AFF2: variants seen among roughly 807,000 people sequenced by gnomAD.
AFF2 encodes ALF transcription elongation factor 2, also known as AF4/FMR2 family member 2.
A neutral mutation model predicts 76.9 loss-of-function variants in AFF2; 14 were observed. The ratio of observed to expected loss-of-function variants is 0.18; its 90% CI spans 0.12 to 0.28. The LOEUF (loss-of-function observed/expected upper bound fraction) is 0.28. Among genes scored for constraint, AFF2 ranks in the 10% least tolerant of loss-of-function variants. The pLI, the probability that AFF2 is intolerant of heterozygous loss-of-function variation, is 1.00. For synonymous variants in AFF2, 398 were observed against 366.7 expected (o/e 1.09, Z -0.98); for missense variants, 868 against 1,001.1 (o/e 0.87, Z 1.79).
intron 7 of AFF2, among the ~76,000 whole-genome samples, chrX:148,871,192 G>A (rs1324973148): frequency 1.8e-5 from 2 of 111,228 alleles, no homozygotes; most frequent in Non-Finnish European, 3.8e-5. Context: ...AGAATTAAAG[G>A]GAAATTATCT....
chrX:148,656,265 G>C (rs782239848), intron 2 of AFF2, among the ~76,000 whole-genome samples: 5 of 111,488 alleles, frequency 4.5e-5, no homozygotes, highest in Non-Finnish European at 7.5e-5. Flanking sequence ...TTTTGAGAAG[G>C]ATGTCTTCAA....
At chrX:148,683,185 C>G (rs782525625) in intron 3 of AFF2, among the ~76,000 whole-genome samples, 8 of 111,678 alleles carry the variant, frequency 7.2e-5, no homozygotes, top group African/African-American at 3.3e-5. Context: ...GAGAAGTAAT[C>G]TTTGCTTTTT....
intron 3 of AFF2, among the ~76,000 whole-genome samples, chrX:148,717,755 C>T (rs1490967283): frequency 3.6e-5 from 4 of 110,942 alleles, no homozygotes; most frequent in South Asian, 3.8e-4. Flanking sequence ...AGGAAGGAGG[C>T]AATGTGCCTG....
intron 4 of AFF2, among the ~76,000 whole-genome samples, chrX:148,810,571 C>T (rs145464627): frequency 0.012 from 1,304 of 112,177 alleles, 29 homozygotes; most frequent in Admixed American, 0.079. Context: ...TATGGAATCT[C>T]AAGAATAGGA....
intron 5 of AFF2, among the ~76,000 whole-genome samples, chrX:148,838,051 T>A (rs1313283972): frequency 8.9e-6 from 1 of 111,747 alleles, no homozygotes; most frequent in African/African-American, 3.3e-5. Context: ...AACAGCAACG[T>A]TCAAGATTTT....
intron 1 of AFF2, chrX:148,547,427 TTGTC>T (rs1310664991): frequency 8.9e-6 from 1 of 111,864 alleles, no homozygotes; most frequent in Non-Finnish European, 1.9e-5. Context: ...GCAGATCCCT[TTGTC>T]TGGTTGCATG....
intron 3 of AFF2, among the ~76,000 whole-genome samples, chrX:148,743,624 C>T (rs1033730397): frequency 2.7e-5 from 3 of 110,905 alleles, no homozygotes; most frequent in Admixed American, 9.6e-5. Context: ...TGTTTCTGCT[C>T]CTTGCATTTT....
intron 9 of AFF2, among the ~76,000 whole-genome samples, chrX:148,937,586 A>G (rs1162288795): frequency 2.7e-5 from 3 of 112,094 alleles, no homozygotes; most frequent in African/African-American, 9.7e-5. Flanking sequence ...GGTGTCTTCA[A>G]AGTCCCAAAT....
intron 1 of AFF2, among the ~76,000 whole-genome samples, chrX:148,561,564 G>A (rs1557240684): frequency 1.8e-5 from 2 of 111,375 alleles, no homozygotes; most frequent in East Asian, 5.7e-4. Flanking sequence ...GTCCTTATCC[G>A]GGTCCCTGCC....
At chrX:148,872,120 C>T (rs146402362) in intron 7 of AFF2, among the ~76,000 whole-genome samples, 1,360 of 110,307 alleles carry the variant, frequency 0.012, 25 homozygotes, top group African/African-American at 0.042. Context: ...TTAAAAAAGA[C>T]GGCTCTATTT....
chrX:148,748,630 G>A (rs2055455577), intron 3 of AFF2, among the ~76,000 whole-genome samples: 2 of 111,858 alleles, frequency 1.8e-5, no homozygotes, highest in South Asian at 7.5e-4. Flanking sequence ...TCCATCCTTT[G>A]CAGAGGATGG....
chrX:148,672,301 T>A (rs1373814323), intron 3 of AFF2, among the ~76,000 whole-genome samples: 1 of 112,360 alleles, frequency 8.9e-6, no homozygotes, highest in Admixed American at 9.4e-5. Flanking sequence ...CCTTTATACT[T>A]TGTAGTTTAC....
At chrX:148,725,173 G>A (rs909811833) in intron 3 of AFF2, among the ~76,000 whole-genome samples, 5 of 110,795 alleles carry the variant, frequency 4.5e-5, no homozygotes, top group Admixed American at 1.9e-4. Context: ...AGAACCCTTC[G>A]GAGGCAGTGT....
At chrX:148,897,271 ATG>A (rs201972086) in intron 8 of AFF2, among the ~76,000 whole-genome samples, 4,940 of 15,475 alleles carry the variant, frequency 0.32, 1,989 homozygotes, top group Non-Finnish European at 0.38. Context: ...ATATATATAT[ATG>A]TATATGAAAA....
intron 1 of AFF2, among the ~76,000 whole-genome samples, chrX:148,514,434 G>A (rs1251680077): frequency 8.9e-6 from 1 of 112,561 alleles, no homozygotes; most frequent in African/African-American, 3.2e-5. Flanking sequence ...TTGTAAATAC[G>A]TGTTTGTTCA....
chrX:148,814,854 T>C (rs1314573161), intron 4 of AFF2, among the ~76,000 whole-genome samples: 2 of 111,613 alleles, frequency 1.8e-5, no homozygotes, highest in African/African-American at 6.5e-5. Context: ...AAAAAATGGA[T>C]CAGGGAACAA....
intron 3 of AFF2, among the ~76,000 whole-genome samples, chrX:148,763,004 A>G (rs1301858068): frequency 8.9e-6 from 1 of 112,266 alleles, no homozygotes; most frequent in Non-Finnish European, 1.9e-5. Context: ...CTGAATAGCT[A>G]ACTTCTAGAA....
chrX:148,517,237 T>A (rs2052545834), intron 1 of AFF2, among the ~76,000 whole-genome samples: 1 of 111,845 alleles, frequency 8.9e-6, no homozygotes, highest in Non-Finnish European at 1.9e-5. Context: ...TGGCAGAGAT[T>A]GTGGCACTTT....
chrX:148,707,963 C>T (rs2054906989), intron 3 of AFF2, among the ~76,000 whole-genome samples: 1 of 111,736 alleles, frequency 8.9e-6, no homozygotes, highest in African/African-American at 3.3e-5. Flanking sequence ...GCAAATGATT[C>T]ATCACAAATA....
Sources: allele counts gnomAD v4.1 joint callset (sites outside exome capture counted in the v4.1 genomes callset), GRCh38; gene constraint gnomAD v4.1.1; transcripts MANE v1.5; gene names NCBI Gene and HGNC (gene_info 2026-07-23, HGNC 2026-07-21).